The following CADPS variants were observed in gnomAD, a reference collection of about 807,000 sequenced individuals.
CADPS encodes calcium-dependent secretion activator 1.
A neutral mutation model predicts 167.3 loss-of-function variants in CADPS; 57 were observed. The ratio of observed to expected loss-of-function variants is 0.34; its 90% CI spans 0.28 to 0.42. The LOEUF is 0.42. Among genes scored for constraint, CADPS ranks in the 20% least tolerant of loss-of-function variants. The probability of loss-of-function intolerance (pLI) is 1.00; values close to 1 mark genes in which losing one functional copy is unlikely to be tolerated. For missense variants in CADPS, 1,414 were observed against 1,738.1 expected, an observed-to-expected ratio of 0.81 and a Z score of 3.32; for synonymous variants, 676 against 635.3, an observed-to-expected ratio of 1.06 and a Z score of -0.96.
chr3:62,645,628 T>G (rs2068380668), intron 6 of CADPS, 94 bp downstream of exon 6: 1 of 1,378,332 alleles, frequency 7.3e-7, no homozygotes, highest in East Asian at 2.3e-5. Context: ...TCTCGTATCT[T>G]CTGGGGAAAC....
chr3:62,672,190 T>C (rs2075650397), intron 3 of CADPS, among the ~76,000 whole-genome samples: 1 of 72,042 alleles, frequency 1.4e-5, no homozygotes, highest in Non-Finnish European at 2.9e-5. Flanking sequence ...ACCAGAGAAC[T>C]TGTTAAAACA....
chr3:62,594,164 T>G (rs1005539378), intron 6 of CADPS, among the ~76,000 whole-genome samples: 6 of 110,598 alleles, frequency 5.4e-5, no homozygotes, highest in Non-Finnish European at 2.3e-5. Context: ...TTTTTTTATT[T>G]ATTTATTTAT....
intron 6 of CADPS, among the ~76,000 whole-genome samples, chr3:62,607,948 T>C (rs2060920299): frequency 1.3e-5 from 2 of 152,186 alleles, no homozygotes; most frequent in Admixed American, 6.5e-5. Context: ...GACTGAGGTG[T>C]TGTCTTAAAG....
At chr3:62,813,102 A>T (rs1339025744) in intron 1 of CADPS, among the ~76,000 whole-genome samples, 2 of 151,422 alleles carry the variant, frequency 1.3e-5, no homozygotes, top group Middle Eastern at 3.4e-3. Flanking sequence ...TTACAGAATT[A>T]AAAAAAAACT....
chr3:62,861,732 TC>T (rs1340067910), intron 1 of CADPS, among the ~76,000 whole-genome samples: 1 of 152,190 alleles, frequency 6.6e-6, no homozygotes, highest in Non-Finnish European at 1.5e-5. Context: ...GTGTGAAGTC[TC>T]CCACTCCTTA....
intron 3 of CADPS, among the ~76,000 whole-genome samples, chr3:62,740,511 T>C (rs1167653964): frequency 1.3e-5 from 2 of 152,206 alleles, no homozygotes; most frequent in Non-Finnish European, 2.9e-5. Flanking sequence ...TGGTCTATAA[T>C]TGGGTAAAAG....
At chr3:62,401,544 G>A (rs1015382629) in intron 29 of CADPS, among the ~76,000 whole-genome samples, 6 of 152,192 alleles carry the variant, frequency 3.9e-5, no homozygotes, top group African/African-American at 1.4e-4. Flanking sequence ...AAGAAAGAAA[G>A]CCAATTATCC....
intron 3 of CADPS, among the ~76,000 whole-genome samples, chr3:62,671,319 G>T (rs1051511284): frequency 3.3e-5 from 5 of 151,734 alleles, no homozygotes; most frequent in African/African-American, 9.7e-5. Context: ...CTTTATATCT[G>T]GGGCTGGGAG....
intron 6 of CADPS, among the ~76,000 whole-genome samples, chr3:62,640,365 C>T (rs1045047587): frequency 6.6e-6 from 1 of 152,124 alleles, no homozygotes; most frequent in Non-Finnish European, 1.5e-5. Context: ...AATGTGGGAA[C>T]AATTTAATAG....
At chr3:62,736,876 C>A (rs1038655766) in intron 3 of CADPS, among the ~76,000 whole-genome samples, 1 of 152,200 alleles carries the variant, frequency 6.6e-6, no homozygotes, top group African/African-American at 2.4e-5. Context: ...CAGTGGCTCA[C>A]GCCTGTAATC....
intron 3 of CADPS, among the ~76,000 whole-genome samples, chr3:62,682,358 G>A (rs2077279343): frequency 6.6e-6 from 1 of 152,054 alleles, no homozygotes; most frequent in Admixed American, 6.6e-5. Context: ...ATGGACTGGA[G>A]CTTAATTGGG....
intron 6 of CADPS, among the ~76,000 whole-genome samples, chr3:62,596,978 T>C (rs899182440): frequency 3.9e-5 from 6 of 152,176 alleles, no homozygotes; most frequent in African/African-American, 1.4e-4. Context: ...TTGTAAAAAT[T>C]ATCAGTAATA....
At chr3:62,618,401 G>A (rs1263273399) in intron 6 of CADPS, among the ~76,000 whole-genome samples, 3 of 152,170 alleles carry the variant, frequency 2.0e-5, no homozygotes, top group African/African-American at 4.8e-5. Flanking sequence ...TGTTGGGTAC[G>A]ATGTTTATGG....
At chr3:62,747,517 T>G (rs2081743217) in intron 3 of CADPS, among the ~76,000 whole-genome samples, 1 of 152,214 alleles carries the variant, frequency 6.6e-6, no homozygotes, top group African/African-American at 2.4e-5. Flanking sequence ...CTGCCATGTG[T>G]TCATCAAGTT....
At chr3:62,660,327 CTG>C (rs1218810173) in intron 4 of CADPS, among the ~76,000 whole-genome samples, 2 of 152,262 alleles carry the variant, frequency 1.3e-5, no homozygotes, top group African/African-American at 4.8e-5. Context: ...CCTCCATTTT[CTG>C]GATAATCCAC....
At chr3:62,590,451 G>T (rs1402005414) in intron 7 of CADPS, among the ~76,000 whole-genome samples, 2 of 152,184 alleles carry the variant, frequency 1.3e-5, no homozygotes, top group African/African-American at 2.4e-5. Context: ...GTTTCTCAAA[G>T]AAAACAGCTA....
rs1316611166 is a variant in CADPS, at chr3:62,544,437, C to T, written c.1966+5466G>A. The stretch of plus-strand genomic sequence containing the variant: ...AATGGGAAAGGAAAAACAACAACAA[C>T]AACAACAACAACAGCACATTATCAG... On this transcript the variant is annotated intron_variant, in intron 11 of 29. Transcript: ENST00000383710. The surrounding 1 kb of genome is among the most constrained non-coding windows in gnomAD (Gnocchi z 4.4). Among the ~76,000 whole-genome samples, 2 of 152,018 alleles carry T rather than the reference C, an allele frequency of 1.3e-5. No individual in the cohort carries two copies. Among genetic ancestry groups the T allele is most frequent in the Non-Finnish European group, 2.9e-5 (2 of 67,994 alleles).
At chr3:62,448,034 C>T (rs1043045472) in intron 26 of CADPS, among the ~76,000 whole-genome samples, 7 of 152,150 alleles carry the variant, frequency 4.6e-5, no homozygotes, top group Non-Finnish European at 2.9e-5. Flanking sequence ...GAACGTAAAA[C>T]CCATAGAATT....
chr3:62,496,653 T>C (rs928748547), intron 18 of CADPS, among the ~76,000 whole-genome samples: 4 of 152,190 alleles, frequency 2.6e-5, no homozygotes, highest in African/African-American at 9.6e-5. Context: ...TCTATTGTTA[T>C]CTCCACTTTA....
Sources: allele counts gnomAD v4.1 joint callset (sites outside exome capture counted in the v4.1 genomes callset), GRCh38; gene constraint gnomAD v4.1.1; non-coding constraint Gnocchi (gnomAD v3.1); transcripts MANE v1.5; gene names NCBI Gene and HGNC (gene_info 2026-07-23, HGNC 2026-07-21).